The following FHIT variants were observed in gnomAD, a reference collection of about 807,000 sequenced individuals.
FHIT encodes the protein bis(5'-adenosyl)-triphosphatase.
FHIT carries 19 observed loss-of-function variants against 17.9 expected under a neutral mutation model. That is an observed-to-expected ratio of 1.06 (90% CI 0.74 to 1.56). The LOEUF (loss-of-function observed/expected upper bound fraction) is 1.56. Ranked by LOEUF, FHIT falls within the 40% of genes most tolerant of loss-of-function variation. The probability of loss-of-function intolerance (pLI) is 0.00; values close to 1 mark genes in which losing one functional copy is unlikely to be tolerated. For synonymous variants in FHIT, 81 were observed against 69.7 expected (o/e 1.16, Z -0.81); for missense variants, 248 against 189.2 (o/e 1.31, Z -1.82).
chr3:60,026,794 C>T lies in FHIT; in HGVS notation c.104-12642G>A, dbSNP rs115215288. Among the ~76,000 whole-genome samples the T allele has an allele frequency of 7.5e-3, 1,142 of 151,960 alleles. 12 individuals are homozygous for T. The highest frequency in any genetic ancestry group is 0.025 in the African/African-American group (1,050 of 41,452). On this transcript the variant is annotated intron_variant, in intron 5 of 9. Transcript: ENST00000492590. Reference sequence around the variant, plus strand: ...CAGCACAGAACACTATATGGTTTACCTAATGTTTAAATTAGTAGATCTGGC... The same window carrying T: ...CAGCACAGAACACTATATGGTTTACTTAATGTTTAAATTAGTAGATCTGGC...
intron 4 of FHIT, among the ~76,000 whole-genome samples, chr3:60,624,923 G>GT (rs1553680377): frequency 2.7e-4 from 41 of 150,464 alleles, no homozygotes; most frequent in Admixed American, 4.6e-4. Flanking sequence ...TTGTTTGTTT[G>GT]TTTTTGAGAC....
At chr3:59,859,046 TACACGG>T (rs1702296251) in intron 8 of FHIT, among the ~76,000 whole-genome samples, 1 of 152,184 alleles carries the variant, frequency 6.6e-6, no homozygotes, top group South Asian at 2.1e-4. Context: ...AAAATCATTC[TACACGG>T]ACAGGAACCA....
At position 60,017,353 on chromosome 3, in the gene FHIT, G is replaced by A. The variant is rs139543857; in HGVS notation, c.104-3201C>T. Among the ~76,000 whole-genome samples, 421 of 147,624 alleles carry A rather than the reference G, an allele frequency of 2.9e-3. 8 individuals are homozygous for A. In the Middle Eastern group the frequency reaches 0.074, roughly 26 times the overall value. On this transcript the variant is annotated intron_variant, in intron 5 of 9. Coordinates refer to ENST00000492590, the MANE Select transcript of FHIT (RefSeq NM_002012.4). ...AACAGAGAATCGTAAGATCAAAAAG[G>A]GGGGAGAGTACCAGCTTGCCTGAAC... is the stretch of plus-strand genomic sequence containing the variant.
At chr3:61,214,438 C>T (rs1429198163) in intron 1 of FHIT, among the ~76,000 whole-genome samples, 2 of 152,092 alleles carry the variant, frequency 1.3e-5, no homozygotes, top group Non-Finnish European at 2.9e-5. Context: ...ACACATACAC[C>T]CTCCCAAGAC....
chr3:60,887,545 C>A (rs1156788514), intron 3 of FHIT, among the ~76,000 whole-genome samples: 2 of 152,086 alleles, frequency 1.3e-5, no homozygotes, highest in Non-Finnish European at 2.9e-5. Flanking sequence ...ACTCAAGAGG[C>A]TGAGGCAGGA....
chr3:60,133,845 TA>T (rs11457865), intron 5 of FHIT, among the ~76,000 whole-genome samples: 36 of 146,194 alleles, frequency 2.5e-4, no homozygotes, highest in South Asian at 1.5e-3. Flanking sequence ...AATAAAGAAT[TA>T]AAAAAAAAAA....
intron 2 of FHIT, among the ~76,000 whole-genome samples, chr3:61,042,496 G>C (rs147326830): frequency 6.6e-6 from 1 of 152,082 alleles, no homozygotes; most frequent in Non-Finnish European, 1.5e-5. Flanking sequence ...TATGAGAATT[G>C]ATCACATATT....
chr3:60,580,653 G>GGGATTAAACT (rs1457141389), intron 4 of FHIT, among the ~76,000 whole-genome samples: 3 of 152,042 alleles, frequency 2.0e-5, no homozygotes, highest in Non-Finnish European at 4.4e-5. Context: ...TCACTGAACT[G>GGGATTAAACT]GGGATTAAAA....
chr3:60,384,910 A>G (rs1700951089), intron 5 of FHIT, among the ~76,000 whole-genome samples: 1 of 152,126 alleles, frequency 6.6e-6, no homozygotes. Flanking sequence ...TTTACGTTCA[A>G]TGCCTTCCCT....
chr3:60,619,042 T>C (rs142266682), intron 4 of FHIT, among the ~76,000 whole-genome samples: 1 of 152,232 alleles, frequency 6.6e-6, no homozygotes, highest in African/African-American at 2.4e-5. Context: ...GATGATAAAT[T>C]TGTGTTGTTT....
At chr3:60,357,894 C>A (rs1559849405) in intron 5 of FHIT, among the ~76,000 whole-genome samples, 2 of 152,158 alleles carry the variant, frequency 1.3e-5, no homozygotes, top group South Asian at 4.1e-4. Context: ...CATACTGGCT[C>A]AGAGGTGAGA....
rs964742089 is a variant in FHIT at position 59,803,750 on chromosome 3, G to A, written c.349-51429C>T. Among the ~76,000 whole-genome samples the A allele has an allele frequency of 1.1e-4, 13 of 114,656 alleles. No individual in the cohort carries two copies. The East Asian group carries it at 1.4e-3, about 13-fold the overall frequency. The allele number at this position is 114,656 out of a possible 152,430, so 75.2% of individuals were successfully genotyped here. A position where few individuals can be genotyped will look rare whatever the true frequency, so the allele number is the denominator to read the frequency against. Reference sequence around the variant, plus strand: ...TTGCCTTGAACAACCAAGCCTGAACGAAACAGCCTAAGGGAGATTGCCAGG... The same window carrying A: ...TTGCCTTGAACAACCAAGCCTGAACAAAACAGCCTAAGGGAGATTGCCAGG... On this transcript the variant is annotated intron_variant, in intron 8 of 9. Coordinates refer to ENST00000492590, the MANE Select transcript of FHIT (RefSeq NM_002012.4).
At chr3:59,933,886 G>A (rs1242292381) in intron 7 of FHIT, among the ~76,000 whole-genome samples, 1 of 152,172 alleles carries the variant, frequency 6.6e-6, no homozygotes, top group African/African-American at 2.4e-5. Context: ...AAGGCTCTGT[G>A]AAAGTTTTTA....
At chr3:60,262,526 A>C (rs982540609) in intron 5 of FHIT, among the ~76,000 whole-genome samples, 1 of 152,020 alleles carries the variant, frequency 6.6e-6, no homozygotes, top group African/African-American at 2.4e-5. Context: ...AGATATGACT[A>C]TTCTTACTCT....
At chr3:60,917,483 T>C (rs1707067072) in intron 3 of FHIT, among the ~76,000 whole-genome samples, 1 of 152,242 alleles carries the variant, frequency 6.6e-6, no homozygotes, top group Non-Finnish European at 1.5e-5. Context: ...TTGCTCATAA[T>C]TAAAATCTAA....
chr3:59,770,496 T>C (rs1702025613), intron 8 of FHIT, among the ~76,000 whole-genome samples: 1 of 152,168 alleles, frequency 6.6e-6, no homozygotes, highest in Non-Finnish European at 1.5e-5. Context: ...GTGACGGATC[T>C]CTAAGCCATG....
At chr3:60,112,359 C>T (rs2107183149) in intron 5 of FHIT, among the ~76,000 whole-genome samples, 1 of 152,296 alleles carries the variant, frequency 6.6e-6, no homozygotes, top group East Asian at 1.9e-4. Context: ...ACTGACTCTA[C>T]TAATGCAAGA....
chr3:60,879,478 T>C (rs778865548), intron 3 of FHIT, among the ~76,000 whole-genome samples: 3 of 152,146 alleles, frequency 2.0e-5, no homozygotes, highest in Non-Finnish European at 4.4e-5. Flanking sequence ...ACCAAATGCA[T>C]AGACATTGAT....
chr3:60,143,730 A>G (rs1240287901), intron 5 of FHIT, among the ~76,000 whole-genome samples: 1 of 152,018 alleles, frequency 6.6e-6, no homozygotes, highest in Admixed American at 6.6e-5. Context: ...ACCTATCTTC[A>G]TAACTTTGAT....
Sources: allele counts gnomAD v4.1 joint callset (sites outside exome capture counted in the v4.1 genomes callset), GRCh38; gene constraint gnomAD v4.1.1; transcripts MANE v1.5; gene names NCBI Gene and HGNC (gene_info 2026-07-23, HGNC 2026-07-21).